Variants in RAPGEF6 observed in about 807,000 individuals in gnomAD.
The protein encoded by RAPGEF6 is Rap guanine nucleotide exchange factor 6, also known as PDZ domain containing guanine nucleotide exchange factor (GEF) 2.
In RAPGEF6, 56 loss-of-function variants were observed where a neutral mutation model predicts 171.4. The ratio of observed to expected loss-of-function variants is 0.33; its 90% CI spans 0.26 to 0.41. The LOEUF is 0.41. Among genes scored for constraint, RAPGEF6 ranks in the 10% least tolerant of loss-of-function variants. The pLI, the probability that RAPGEF6 is intolerant of heterozygous loss-of-function variation, is 1.00. For synonymous variants in RAPGEF6, 692 were observed against 650.1 expected (o/e 1.06, Z -0.98); for missense variants, 1,674 against 1,921.4 (o/e 0.87, Z 2.41).
At chr5:131,441,885 C>T (rs1752404681) in intron 23 of RAPGEF6, among the ~76,000 whole-genome samples, 1 of 151,774 alleles carries the variant, frequency 6.6e-6, no homozygotes, top group Non-Finnish European at 1.5e-5. Flanking sequence ...ACTATATGGC[C>T]TAACAGAAAA....
intron 4 of RAPGEF6, among the ~76,000 whole-genome samples, chr5:131,575,325 G>C (rs553257558): frequency 1.3e-5 from 2 of 152,174 alleles, no homozygotes; most frequent in East Asian, 1.9e-4. Flanking sequence ...ATATATGGAC[G>C]ACCTTCTCCT....
intron 6 of RAPGEF6, among the ~76,000 whole-genome samples, chr5:131,532,787 G>A (rs777607100): frequency 2.0e-5 from 3 of 152,052 alleles, no homozygotes; most frequent in Non-Finnish European, 4.4e-5. Flanking sequence ...CTATTCACAT[G>A]CACTGTTTAC....
At chr5:131,428,407 C>A (rs538580500) in intron 27 of RAPGEF6, among the ~76,000 whole-genome samples, 39 of 151,994 alleles carry the variant, frequency 2.6e-4, no homozygotes, top group African/African-American at 9.2e-4. Flanking sequence ...GAGTTAGACC[C>A]TATCTTGAAA....
At chr5:131,609,915 G>A (rs1275812380) in intron 1 of RAPGEF6, among the ~76,000 whole-genome samples, 6 of 152,118 alleles carry the variant, frequency 3.9e-5, no homozygotes, top group South Asian at 2.1e-4. Context: ...CCAACCAGTG[G>A]ACCCAATTCA....
At chr5:131,612,201 A>ATT (rs35306366) in intron 1 of RAPGEF6, among the ~76,000 whole-genome samples, 3,752 of 83,052 alleles carry the variant, frequency 0.045, 45 homozygotes, top group Non-Finnish European at 0.058. Context: ...TGCTCAGCTA[A>ATT]TTTTTTTTTT....
rs1763642367 is a variant in RAPGEF6, at chr5:131,592,342, T to G, written c.281+41A>C. On this transcript the variant is annotated intron_variant, in intron 4 of 27. Coordinates refer to ENST00000509018, the MANE Select transcript of RAPGEF6 (RefSeq NM_016340.6). ...AATATACATCCTATACAAAATAGTT[T>G]AACATTAACTTTGCCTGCCATATAG... The G allele has an allele frequency of 4.4e-6, 7 of 1,601,308 alleles. 1 individual carries two copies. In the East Asian group the frequency reaches 1.4e-4, roughly 31 times the overall value.
chr5:131,545,113 C>T (rs1475429771), intron 6 of RAPGEF6, among the ~76,000 whole-genome samples: 1 of 151,848 alleles, frequency 6.6e-6, no homozygotes, highest in African/African-American at 2.4e-5. Flanking sequence ...ATGTTATTAC[C>T]ATTACAGAAG....
At chr5:131,565,427 G>A (rs1403603548) in intron 4 of RAPGEF6, among the ~76,000 whole-genome samples, 2 of 152,118 alleles carry the variant, frequency 1.3e-5, no homozygotes, top group African/African-American at 2.4e-5. Flanking sequence ...AATTCTCTCC[G>A]AAGTGTTCTA....
intron 22 of RAPGEF6, among the ~76,000 whole-genome samples, chr5:131,445,968 TA>T (rs1192386073): frequency 1.3e-5 from 2 of 152,070 alleles, no homozygotes; most frequent in Non-Finnish European, 1.5e-5. Flanking sequence ...TGTATTTAAT[TA>T]AAAAAAATCC....
At chr5:131,527,549 T>G (rs1379881272) in intron 6 of RAPGEF6, among the ~76,000 whole-genome samples, 1 of 152,128 alleles carries the variant, frequency 6.6e-6, no homozygotes, top group East Asian at 1.9e-4. Context: ...ACATTTAAAA[T>G]GTATATACCT....
intron 7 of RAPGEF6, among the ~76,000 whole-genome samples, chr5:131,511,107 T>C (rs932363955): frequency 1.3e-5 from 2 of 152,182 alleles, no homozygotes; most frequent in African/African-American, 2.4e-5. Context: ...TTGAACTCTA[T>C]AAAATGACCT....
chr5:131,547,961 T>C (rs1760659735), intron 6 of RAPGEF6, 86 bp downstream of exon 6: 2 of 1,427,696 alleles, frequency 1.4e-6, no homozygotes, highest in Non-Finnish European at 1.9e-6. Flanking sequence ...GCCCAGCATG[T>C]TGATATTACC....
chr5:131,431,737 G>A (rs900341286), intron 25 of RAPGEF6, among the ~76,000 whole-genome samples: 30 of 151,732 alleles, frequency 2.0e-4, no homozygotes, highest in African/African-American at 6.8e-4. Flanking sequence ...TGATCCTCCC[G>A]CCTCAGCCTC....
Position 131,548,029 on chromosome 5 carries a change from G to A in RAPGEF6, c.495+18C>T. The A allele has an allele frequency of 6.2e-7, 1 of 1,609,700 alleles. No homozygotes were observed. Among genetic ancestry groups the A allele is most frequent in the Non-Finnish European group, 8.5e-7 (1 of 1,177,374 alleles). On this transcript the variant is annotated intron_variant, in intron 6 of 27. Coordinates refer to ENST00000509018, the MANE Select transcript of RAPGEF6 (RefSeq NM_016340.6). Reference sequence around the variant, plus strand: ...GAAAATTAAGGAAGATTCATGAAGTGTTCCTAAATATACTCACAGAAAGAT... The same window carrying A: ...GAAAATTAAGGAAGATTCATGAAGTATTCCTAAATATACTCACAGAAAGAT...
At chr5:131,627,452 T>C (rs1766006424) in intron 1 of RAPGEF6, among the ~76,000 whole-genome samples, 1 of 152,236 alleles carries the variant, frequency 6.6e-6, no homozygotes, top group Non-Finnish European at 1.5e-5. Context: ...AATTTTGGCT[T>C]GTAAAATATT....
At chr5:131,529,993 T>C (rs578045423) in intron 6 of RAPGEF6, among the ~76,000 whole-genome samples, 73 of 147,842 alleles carry the variant, frequency 4.9e-4, no homozygotes, top group African/African-American at 1.8e-3. Flanking sequence ...CTGCAACCTC[T>C]GCCTCCCGGA....
intron 15 of RAPGEF6, 144 bp downstream of exon 15, chr5:131,489,402 G>A: frequency 1.6e-6 from 1 of 609,092 alleles, no homozygotes; most frequent in Non-Finnish European, 2.9e-6. Context: ...ATACATAATA[G>A]TTCAAAACTA....
intron 3 of RAPGEF6, among the ~76,000 whole-genome samples, chr5:131,594,747 G>C (rs1315782367): frequency 2.6e-5 from 4 of 152,210 alleles, no homozygotes; most frequent in African/African-American, 9.7e-5. Context: ...CTGGATGTGA[G>C]ACATGGAGTC....
chr5:131,605,469 G>A (rs1025559502), intron 1 of RAPGEF6, among the ~76,000 whole-genome samples: 4 of 152,168 alleles, frequency 2.6e-5, no homozygotes, highest in Non-Finnish European at 5.9e-5. Context: ...TTGTGCATAT[G>A]TACCCTAAAA....
Sources: allele counts gnomAD v4.1 joint callset (sites outside exome capture counted in the v4.1 genomes callset), GRCh38; gene constraint gnomAD v4.1.1; transcripts MANE v1.5; gene names NCBI Gene and HGNC (gene_info 2026-07-23, HGNC 2026-07-21).